Variants in ZNF423 observed in about 807,000 individuals in gnomAD.
ZNF423 encodes the protein zinc finger protein 423, also known as Ebf-associated zinc finger protein.
A neutral mutation model predicts 95.8 loss-of-function variants in ZNF423; 12 were observed. The ratio of observed to expected loss-of-function variants is 0.13; its 90% CI spans 0.08 to 0.20. ZNF423 has a LOEUF of 0.20. Among genes scored for constraint, ZNF423 ranks in the 10% least tolerant of loss-of-function variants. The pLI, the probability that ZNF423 is intolerant of heterozygous loss-of-function variation, is 1.00. For synonymous variants in ZNF423, 749 were observed against 711.9 expected, an observed-to-expected ratio of 1.05 and a Z score of -0.83; for missense variants, 1,316 against 1,737.1, an observed-to-expected ratio of 0.76 and a Z score of 4.31.
At chr16:49,765,171 T>G (rs1355418836) in intron 2 of ZNF423, among the ~76,000 whole-genome samples, 1 of 152,108 alleles carries the variant, frequency 6.6e-6, no homozygotes, top group Non-Finnish European at 1.5e-5. Context: ...GAGCCAGCAA[T>G]GAGCCTTCTC....
chr16:49,833,868 T>TCCGC (rs2035088089), intron 1 of ZNF423, among the ~76,000 whole-genome samples: 1 of 152,120 alleles, frequency 6.6e-6, no homozygotes, highest in South Asian at 2.1e-4. Flanking sequence ...AGGTGGAAAC[T>TCCGC]CCAGGCCGCT....
intron 5 of ZNF423, among the ~76,000 whole-genome samples, chr16:49,533,029 G>A (rs999055970): frequency 2.0e-5 from 3 of 152,162 alleles, no homozygotes; most frequent in Non-Finnish European, 4.4e-5. Context: ...CTGCAGCCTC[G>A]CCCTTCATCG....
At chr16:49,567,902 C>T (rs1970242873) in intron 5 of ZNF423, among the ~76,000 whole-genome samples, 2 of 152,186 alleles carry the variant, frequency 1.3e-5, no homozygotes. Context: ...GGCCTATACT[C>T]CTCCGGAAGT....
chr16:49,767,988 C>G (rs1035047478), intron 2 of ZNF423, among the ~76,000 whole-genome samples: 1 of 152,234 alleles, frequency 6.6e-6, no homozygotes, highest in Non-Finnish European at 1.5e-5. Flanking sequence ...CAGGCCTGTG[C>G]CCTTGAAGGC....
intron 2 of ZNF423, among the ~76,000 whole-genome samples, chr16:49,783,732 A>T (rs2098379005): frequency 6.6e-6 from 1 of 151,958 alleles, no homozygotes; most frequent in South Asian, 2.1e-4. Context: ...GAGCCTTTGG[A>T]AGGCTGACGC....
intron 3 of ZNF423, among the ~76,000 whole-genome samples, chr16:49,699,232 C>T (rs1215704060): frequency 6.6e-6 from 1 of 152,138 alleles, no homozygotes; most frequent in Non-Finnish European, 1.5e-5. Context: ...GAGAAATTGC[C>T]AGCGGCTGGC....
intron 5 of ZNF423, among the ~76,000 whole-genome samples, chr16:49,591,537 G>A (rs1046385551): frequency 1.3e-5 from 2 of 150,806 alleles, no homozygotes; most frequent in Non-Finnish European, 2.9e-5. Context: ...TGCAAAAATA[G>A]GGCATTATAA....
In ZNF423 at chr16:49,638,651, C is replaced by T; in HGVS notation, c.525G>A (p.Lys175=). 6.2e-7 allele frequency: 1 copy of T among 1,614,062 alleles called. No homozygotes were observed. The highest frequency in any genetic ancestry group is 8.5e-7 in the Non-Finnish European group (1 of 1,180,034). ...TGAAGAGGCGGCTGCAGTAGGTGCA[C>T]TTGAACGGCAGCTTGTCGCTGTGGA... is the stretch of plus-strand genomic sequence containing the variant. ...EQIHSDKLPF[K]CTYCSRLFKH... The change falls in exon 4 of 8, where the codon AAG becomes AAA. Residue 175 remains lysine (K), a synonymous_variant. Coordinates refer to ENST00000563137, the MANE Select transcript of ZNF423 (RefSeq NM_001379286.1). This position sits in a 1 kb window ranked among gnomAD's most constrained non-coding sequence, Gnocchi z 5.6.
At chr16:49,549,812 C>T (rs1186955899) in intron 5 of ZNF423, among the ~76,000 whole-genome samples, 3 of 152,112 alleles carry the variant, frequency 2.0e-5, no homozygotes, top group African/African-American at 7.2e-5. Flanking sequence ...ATTTCTGAAC[C>T]GTAAGGCTTA....
chr16:49,854,877 G>T, intron 1 of ZNF423: 2 of 985,360 alleles, frequency 2.0e-6, no homozygotes, highest in Non-Finnish European at 2.4e-6. Flanking sequence ...CGCGCACCCC[G>T]GGGAGCCAGC....
rs962689160 is a variant in ZNF423, at chr16:49,685,212, A to T, written c.301+45559T>A. ...TGGAGGAGGAGGCAGCCCAGGGCAGAATCTTCCCCCATCAAGCAGCATCCC... is the reference window on the plus strand; with the variant it reads ...TGGAGGAGGAGGCAGCCCAGGGCAGTATCTTCCCCCATCAAGCAGCATCCC... On this transcript the variant is annotated intron_variant, in intron 3 of 7. Coordinates refer to ENST00000563137, the MANE Select transcript of ZNF423 (RefSeq NM_001379286.1). Among the ~76,000 whole-genome samples, 4 of 152,268 alleles carry T rather than the reference A, an allele frequency of 2.6e-5. No individual in the cohort carries two copies. The East Asian group carries it at 7.7e-4, about 29-fold the overall frequency.
rs779884873 is a variant in ZNF423 at position 49,730,964 on chromosome 16, T to C, written c.108A>G (p.Leu36=). The C allele has an allele frequency of 6.2e-7, 1 of 1,614,226 alleles. No individual in the cohort carries two copies. Among genetic ancestry groups the C allele is most frequent in the East Asian group, 2.2e-5 (1 of 44,890 alleles). Residue 36 remains leucine, a synonymous_variant, in exon 3 of 8, where the codon CTA becomes CTG. Coordinates refer to ENST00000563137, the MANE Select transcript of ZNF423 (RefSeq NM_001379286.1). ...TCTGATCGCACTCTGGCTCTCCTTC[T>C]AGGCCTCCTGCCAACAGGAAGAATA... ...WDSSVTAAGG[L]EGEPECDQKT... is the part of the protein sequence containing the mutation.
intron 7 of ZNF423, among the ~76,000 whole-genome samples, chr16:49,511,474 G>T (rs537714713): frequency 4.5e-4 from 68 of 152,338 alleles, no homozygotes; most frequent in African/African-American, 1.3e-3. Context: ...GTCCACATGG[G>T]GAGCCTCAGT....
chr16:49,646,161 G>A (rs1973161699), intron 3 of ZNF423, among the ~76,000 whole-genome samples: 1 of 152,210 alleles, frequency 6.6e-6, no homozygotes, highest in African/African-American at 2.4e-5. Flanking sequence ...ACCGAGGAGA[G>A]CCAGTCAGTG....
chr16:49,751,407 A>G (rs1034717915), intron 2 of ZNF423, among the ~76,000 whole-genome samples: 2 of 151,992 alleles, frequency 1.3e-5, no homozygotes, highest in African/African-American at 2.4e-5. Flanking sequence ...AAGTCTTACT[A>G]TGTTGCCCAA....
intron 5 of ZNF423, among the ~76,000 whole-genome samples, chr16:49,590,771 C>T (rs1215468618): frequency 1.3e-5 from 2 of 152,206 alleles, no homozygotes; most frequent in Non-Finnish European, 2.9e-5. Context: ...TTGATGAGGT[C>T]CAGCTGGCAA....
At chr16:49,709,366 G>C (rs2032470875) in intron 3 of ZNF423, among the ~76,000 whole-genome samples, 1 of 152,076 alleles carries the variant, frequency 6.6e-6, no homozygotes, top group East Asian at 1.9e-4. Flanking sequence ...CCCTGAAGCA[G>C]GGGTTCTTCA....
intron 2 of ZNF423, among the ~76,000 whole-genome samples, chr16:49,777,349 G>A (rs2034138686): frequency 6.6e-6 from 1 of 152,198 alleles, no homozygotes; most frequent in African/African-American, 2.4e-5. Flanking sequence ...GCATTGTGTG[G>A]AGTACATTTG....
intron 7 of ZNF423, among the ~76,000 whole-genome samples, chr16:49,516,641 G>A (rs576498517): frequency 2.0e-4 from 31 of 152,320 alleles, no homozygotes; most frequent in African/African-American, 6.5e-4. Context: ...CACTTCTACC[G>A]ACAGGGACCT....
Sources: allele counts gnomAD v4.1 joint callset (sites outside exome capture counted in the v4.1 genomes callset), GRCh38; gene constraint gnomAD v4.1.1; non-coding constraint Gnocchi (gnomAD v3.1); transcripts MANE v1.5; gene names NCBI Gene and HGNC (gene_info 2026-07-23, HGNC 2026-07-21).